Variants in NDP observed in about 807,000 individuals in gnomAD.
NDP encodes norrin.
In NDP, 2 loss-of-function variants were observed where a neutral mutation model predicts 8.4. The ratio of observed to expected loss-of-function variants is 0.24; its 90% CI spans 0.10 to 0.75. The LOEUF (loss-of-function observed/expected upper bound fraction) is 0.75, where lower values mean the gene tolerates loss of function less well. NDP is among the 30% of genes least tolerant of loss of function. The probability of loss-of-function intolerance (pLI) is 0.73; values close to 1 mark genes in which losing one functional copy is unlikely to be tolerated. For synonymous variants in NDP, 55 were observed against 45.6 expected, an observed-to-expected ratio of 1.21 and a Z score of -0.83; for missense variants, 81 against 110.1, an observed-to-expected ratio of 0.74 and a Z score of 1.18.
intron 2 of NDP, among the ~76,000 whole-genome samples, chrX:43,955,038 C>T (rs768673118): frequency 1.3e-4 from 15 of 111,798 alleles, no homozygotes; most frequent in Non-Finnish European, 2.6e-4. Flanking sequence ...GAAGGTTAGA[C>T]AGATATCGGG....
chrX:43,951,715 A>C (rs1602064221), intron 2 of NDP, among the ~76,000 whole-genome samples: 1 of 111,243 alleles, frequency 9.0e-6, no homozygotes, highest in Non-Finnish European at 1.9e-5. Flanking sequence ...GATTATTGGC[A>C]TAGTTATCTG....
chrX:43,960,762 G>A (rs945550896), intron 1 of NDP: 7 of 112,150 alleles, frequency 6.2e-5, no homozygotes, highest in African/African-American at 2.3e-4. Context: ...GAATTGATTA[G>A]ATTTCACTGC....
At chrX:43,950,911 A>G (rs1445327894) in intron 2 of NDP, among the ~76,000 whole-genome samples, 1 of 111,677 alleles carries the variant, frequency 9.0e-6, no homozygotes, top group Non-Finnish European at 1.9e-5. Context: ...GCTTAACGGA[A>G]TGGAAAAAAG....
intron 2 of NDP, among the ~76,000 whole-genome samples, chrX:43,954,232 C>G (rs902368539): frequency 4.5e-5 from 5 of 111,433 alleles, no homozygotes; most frequent in African/African-American, 1.6e-4. Context: ...CTCCGCTCAT[C>G]TTCAGGGACC....
intron 1 of NDP, among the ~76,000 whole-genome samples, chrX:43,971,986 C>A (rs2035893390): frequency 8.9e-6 from 1 of 111,752 alleles, no homozygotes; most frequent in Admixed American, 9.5e-5. Flanking sequence ...AGTTGAGAAG[C>A]ATTGTGCCGT....
intron 1 of NDP, among the ~76,000 whole-genome samples, chrX:43,960,163 G>A (rs2035818421): frequency 9.0e-6 from 1 of 111,627 alleles, no homozygotes. Flanking sequence ...GTGCCTCAGG[G>A]AAGTCCTATA....
At chrX:43,965,870 C>T (rs1302631659) in intron 1 of NDP, among the ~76,000 whole-genome samples, 2 of 111,665 alleles carry the variant, frequency 1.8e-5, no homozygotes, top group Non-Finnish European at 3.8e-5. Context: ...AGGGGAGGTA[C>T]ATTCCAGAAG....
intron 2 of NDP, among the ~76,000 whole-genome samples, chrX:43,954,890 C>G (rs1290604728): frequency 1.8e-5 from 2 of 111,339 alleles, no homozygotes; most frequent in Non-Finnish European, 3.8e-5. Flanking sequence ...CAGCATCCCC[C>G]ACTCCTCACC....
At chrX:43,960,695 C>T (rs764327561) in intron 1 of NDP, 1 of 112,354 alleles carries the variant, frequency 8.9e-6, no homozygotes, top group Non-Finnish European at 1.9e-5. Context: ...TTCACTGTGA[C>T]TAAATTATCC....
intron 2 of NDP, among the ~76,000 whole-genome samples, chrX:43,954,984 A>C (rs1352049742): frequency 4.5e-5 from 5 of 110,548 alleles, no homozygotes; most frequent in Non-Finnish European, 9.5e-5. Flanking sequence ...CAAGTCCAAA[A>C]CTCATCCCCC....
intron 1 of NDP, among the ~76,000 whole-genome samples, chrX:43,972,236 C>T (rs2035894687): frequency 9.0e-6 from 1 of 111,401 alleles, no homozygotes; most frequent in Admixed American, 9.5e-5. Flanking sequence ...GCTTCCTTTC[C>T]CGCACCTGAA....
chrX:43,962,690 C>T (rs1311509566), intron 1 of NDP, among the ~76,000 whole-genome samples: 1 of 111,931 alleles, frequency 8.9e-6, no homozygotes, highest in East Asian at 2.8e-4. Context: ...AACTCAGTAG[C>T]CCTGTGGCCA....
chrX:43,965,995 G>C (rs1368368955), intron 1 of NDP, among the ~76,000 whole-genome samples: 1 of 111,862 alleles, frequency 8.9e-6, no homozygotes, highest in Non-Finnish European at 1.9e-5. Context: ...GAGTCATTCT[G>C]AAGAATGGAA....
rs1340183743 is a variant in NDP, at chrX:43,950,017, G to A, written c.184C>T (p.Leu62=). The A allele has an allele frequency of 8.3e-7, 1 of 1,200,808 alleles. No individual in the cohort carries two copies. The highest frequency in any genetic ancestry group is 2.2e-5 in the Admixed American group (1 of 44,815). The change falls in exon 3 of 3, where the codon CTG becomes TTG. Residue 62 remains leucine (L), a synonymous_variant. Coordinates refer to ENST00000642620, the MANE Select transcript of NDP (RefSeq NM_000266.4). The part of the protein sequence containing the change: ...LYKCSSKMVL[L]ARCEGHCSQA... ...CTGCAGTGCCCCTCGCACCTGGCCA[G>A]GAGCACCATCTGGGGAAAGAAAAGG...
At chrX:43,964,133 G>A (rs2035843387) in intron 1 of NDP, among the ~76,000 whole-genome samples, 1 of 111,605 alleles carries the variant, frequency 9.0e-6, no homozygotes, top group Admixed American at 9.5e-5. Flanking sequence ...GCTACCTTAG[G>A]AGAAAAAAGA....
Position 43,961,512 on chromosome X carries a change from C to G in NDP, c.-207-2660G>C, listed in dbSNP as rs1281611623. Among the ~76,000 whole-genome samples, 6 of 112,035 alleles carry G rather than the reference C, an allele frequency of 5.4e-5. No homozygotes were observed. The East Asian group carries it at 1.7e-3, about 31-fold the overall frequency. On this transcript the variant is annotated intron_variant, in intron 1 of 2. Transcript: ENST00000642620. Reference sequence around the variant, plus strand: ...GAGTTAAAATGGAGAGAGATAAAAACACATATTTGTATAGCAAAGCTCTGA... The same window carrying G: ...GAGTTAAAATGGAGAGAGATAAAAAGACATATTTGTATAGCAAAGCTCTGA...
At chrX:43,971,684 A>T (rs766511551) in intron 1 of NDP, among the ~76,000 whole-genome samples, 2 of 112,122 alleles carry the variant, frequency 1.8e-5, no homozygotes, top group Non-Finnish European at 3.8e-5. Context: ...TGCTAACCGC[A>T]GTTTTTTTAA....
At chrX:43,972,865 C>T (rs965207873) in intron 1 of NDP, among the ~76,000 whole-genome samples, 6 of 112,663 alleles carry the variant, frequency 5.3e-5, no homozygotes, top group African/African-American at 1.9e-4. Context: ...GTAAACAGTG[C>T]GCTTTTAAAC....
rs773154671 is a variant in NDP, at chrX:43,958,679, A to AGAGG, written c.-38_-35dup. 5.2e-6 allele frequency: 6 copies of AGAGG among 1,157,352 alleles called. No individual in the cohort carries two copies. Among genetic ancestry groups the AGAGG allele is most frequent in the Non-Finnish European group, 7.1e-6 (6 of 848,630 alleles). ...GGAAAAACTTCTCTAGAAGAACAGC[A>AGAGG]GAGGGAGGCAGAGGACAAAAAATTG... On this transcript the variant is annotated 5_prime_UTR_variant, in exon 2 of 3. Coordinates refer to ENST00000642620, the MANE Select transcript of NDP (RefSeq NM_000266.4).
Sources: allele counts gnomAD v4.1 joint callset (sites outside exome capture counted in the v4.1 genomes callset), GRCh38; gene constraint gnomAD v4.1.1; transcripts MANE v1.5; gene names NCBI Gene and HGNC (gene_info 2026-07-23, HGNC 2026-07-21).